ELAPOR2: variants seen among roughly 807,000 people sequenced by gnomAD.
ELAPOR2 encodes the protein endosome-lysosome associated apoptosis and autophagy regulator family member 2, also known as endosome/lysosome-associated apoptosis and autophagy regulator family member 2.
In ELAPOR2, 89 loss-of-function variants were observed where a neutral mutation model predicts 120.7. That is an observed-to-expected ratio of 0.74 (90% CI 0.62 to 0.88). ELAPOR2 has a LOEUF of 0.88. Ranked by LOEUF, ELAPOR2 falls within the 40% of genes least tolerant of loss-of-function variation. ELAPOR2 has a pLI of 0.00. For missense variants in ELAPOR2, 1,134 were observed against 1,251.6 expected (o/e 0.91, Z 1.42); for synonymous variants, 444 against 444.9 (o/e 1.00, Z 0.03).
At chr7:86,987,655 T>C (rs934444013) in intron 1 of ELAPOR2, among the ~76,000 whole-genome samples, 2 of 151,508 alleles carry the variant, frequency 1.3e-5, no homozygotes, top group African/African-American at 2.4e-5. Flanking sequence ...AGATACCATC[T>C]CACGCTAGTT....
intron 5 of ELAPOR2, among the ~76,000 whole-genome samples, chr7:86,940,862 TAAGTAAAAGTAGTGCATTAAGCAC>T (rs1475362184): frequency 6.6e-6 from 1 of 152,114 alleles, no homozygotes; most frequent in Admixed American, 6.6e-5. Flanking sequence ...AGCAGTACAT[TAAGTAAAAGTAGTGCATTAAGCAC>T]TTTCCCTTGT....
At chr7:86,939,246 C>G (rs1168453853) in intron 6 of ELAPOR2, among the ~76,000 whole-genome samples, 1 of 152,030 alleles carries the variant, frequency 6.6e-6, no homozygotes, top group Non-Finnish European at 1.5e-5. Flanking sequence ...GAGATAAACC[C>G]TAAGGTTCCC....
intron 1 of ELAPOR2, among the ~76,000 whole-genome samples, chr7:87,056,400 A>T (rs887966446): frequency 2.6e-5 from 4 of 152,214 alleles, no homozygotes; most frequent in Non-Finnish European, 5.9e-5. Flanking sequence ...GGAATTCTAT[A>T]CTTTCTGATG....
intron 1 of ELAPOR2, among the ~76,000 whole-genome samples, chr7:86,999,553 T>C (rs1192356011): frequency 6.6e-6 from 1 of 152,158 alleles, no homozygotes; most frequent in Non-Finnish European, 1.5e-5. Flanking sequence ...TTAGGTCAAT[T>C]AGCAAATAGA....
intron 1 of ELAPOR2, among the ~76,000 whole-genome samples, chr7:86,980,036 C>T (rs1562953284): frequency 6.6e-6 from 1 of 152,070 alleles, no homozygotes; most frequent in African/African-American, 2.4e-5. Flanking sequence ...ATATTCCAGG[C>T]AAAAGCACAG....
At chr7:87,013,902 T>C (rs931593352) in intron 1 of ELAPOR2, among the ~76,000 whole-genome samples, 2 of 152,092 alleles carry the variant, frequency 1.3e-5, no homozygotes, top group African/African-American at 4.8e-5. Context: ...TGCAGTGAAA[T>C]ATTGGAGTCA....
chr7:87,008,186 G>A (rs1211734519), intron 1 of ELAPOR2, among the ~76,000 whole-genome samples: 1 of 152,176 alleles, frequency 6.6e-6, no homozygotes, highest in Non-Finnish European at 1.5e-5. Context: ...GAATACTACT[G>A]TGTTATTTGT....
intron 1 of ELAPOR2, among the ~76,000 whole-genome samples, chr7:87,050,951 T>G (rs1023355018): frequency 1.3e-5 from 2 of 152,172 alleles, no homozygotes; most frequent in African/African-American, 4.8e-5. Context: ...TGGAGAAAAC[T>G]ATACAAGGAG....
At position 86,918,558 on chromosome 7, in the gene ELAPOR2, T is replaced by G; in HGVS notation, c.1491-14A>C. Reference sequence around the variant, plus strand: ...GATGTTGGTGGTCTATTTGACAGATTAAAATGGCAATATTTATACTATGTT... The same window carrying G: ...GATGTTGGTGGTCTATTTGACAGATGAAAATGGCAATATTTATACTATGTT... On this transcript the variant is annotated splice_polypyrimidine_tract_variant and intron_variant, in intron 11 of 21. Coordinates refer to ENST00000450689, the MANE Select transcript of ELAPOR2 (RefSeq NM_001142749.3). 1 of 1,443,672 alleles carries G rather than the reference T, an allele frequency of 6.9e-7. No homozygotes were observed. The highest frequency in any genetic ancestry group is 9.7e-7 in the Non-Finnish European group (1 of 1,026,186). 89.4% of individuals were successfully genotyped at this position (1,443,672 alleles called of 1,614,324 possible).
In ELAPOR2 at chr7:86,926,766, G is replaced by A. The variant is rs1472234555; in HGVS notation, c.1240C>T (p.Pro414Ser). 4 of 1,610,784 alleles carry A rather than the reference G, an allele frequency of 2.5e-6. No homozygotes were observed. The South Asian group carries it at 3.3e-5, about 13-fold the overall frequency. The stretch of plus-strand genomic sequence containing the variant: ...GTTCCATCTGAAAATGTTCCAGGAG[G>A]ACAGGGATGGCAAGAAGATGATCCA... ...NNGSSSCHPC[P>S]PGTFSDGTKE... Residue 414 changes from proline to serine, a missense_variant, in exon 9 of 22, where the codon CCT (proline) becomes TCT (serine). This residue lies in a region of ELAPOR2 where 831 missense variants were observed against 867.6 expected (regional missense o/e 0.96). Coordinates refer to ENST00000450689, the MANE Select transcript of ELAPOR2 (RefSeq NM_001142749.3).
chr7:87,015,709 A>T (rs758872249), intron 1 of ELAPOR2, among the ~76,000 whole-genome samples: 12 of 152,080 alleles, frequency 7.9e-5, no homozygotes, highest in Non-Finnish European at 1.6e-4. Context: ...AATTGCTTGA[A>T]CCAGCTACTC....
chr7:86,930,478 A>G (rs1039383603), intron 8 of ELAPOR2, among the ~76,000 whole-genome samples: 1 of 151,904 alleles, frequency 6.6e-6, no homozygotes, highest in Non-Finnish European at 1.5e-5. Flanking sequence ...AATATCCTCT[A>G]TATCTTTGTC....
At chr7:86,971,663 A>G (rs1202737573) in intron 1 of ELAPOR2, among the ~76,000 whole-genome samples, 2 of 152,214 alleles carry the variant, frequency 1.3e-5, no homozygotes, top group African/African-American at 4.8e-5. Flanking sequence ...GTAAAGGATT[A>G]AAAATACCAA....
Position 87,029,195 on chromosome 7 carries a change from G to T in ELAPOR2, c.189+30130C>A, listed in dbSNP as rs555440894. On this transcript the variant is annotated intron_variant, in intron 1 of 21. Transcript: ENST00000450689. ...AATGGAAACTCTCTTTTTGTTCTCT[G>T]ATGTGTTCCCGGTAACTAGGCCAGG... 2.6e-5 allele frequency among the ~76,000 whole-genome samples: 4 copies of T among 152,166 alleles called. No homozygotes were observed. The South Asian group carries it at 8.3e-4, about 32-fold the overall frequency.
At chr7:86,939,884 T>G (rs1584374681) in intron 6 of ELAPOR2, 126 bp downstream of exon 6, 2 of 501,046 alleles carry the variant, frequency 4.0e-6, no homozygotes, top group Non-Finnish European at 6.9e-6. Flanking sequence ...CAGACCTATA[T>G]GATTCCCTAA....
At chr7:86,901,759 T>C (rs1296296071) in intron 18 of ELAPOR2, among the ~76,000 whole-genome samples, 1 of 152,168 alleles carries the variant, frequency 6.6e-6, no homozygotes, top group Non-Finnish European at 1.5e-5. Flanking sequence ...GCTCCCCACG[T>C]TGGGGTATTC....
chr7:86,919,038 G>A (rs558152735), intron 11 of ELAPOR2, among the ~76,000 whole-genome samples, 182 bp downstream of exon 11: 1 of 152,088 alleles, frequency 6.6e-6, no homozygotes, highest in Non-Finnish European at 1.5e-5. Flanking sequence ...AACATTTATA[G>A]TTTCTCAATC....
intron 1 of ELAPOR2, among the ~76,000 whole-genome samples, chr7:86,993,213 T>C (rs1276740935): frequency 8.2e-6 from 1 of 122,340 alleles, no homozygotes; most frequent in Non-Finnish European, 1.6e-5. Context: ...TCCAGCCTGA[T>C]GACAGAGCGA....
chr7:86,967,915 T>C (rs1791971975), intron 1 of ELAPOR2, among the ~76,000 whole-genome samples: 1 of 152,220 alleles, frequency 6.6e-6, no homozygotes, highest in East Asian at 1.9e-4. Context: ...ACCTATTTCA[T>C]GCAGAGGGCA....
Sources: gnomAD v4.1 joint callset for allele counts (sites outside exome capture counted in the v4.1 genomes callset) on GRCh38, gnomAD v4.1.1 for gene constraint, gnomAD v4.1.1 regional missense constraint, MANE v1.5 for transcripts, NCBI Gene and HGNC (gene_info 2026-07-23, HGNC 2026-07-21) for gene names.